The following EML4 variants were observed in gnomAD, a reference collection of about 807,000 sequenced individuals.
EML4 encodes EMAP like 4, also known as echinoderm microtubule-associated protein-like 4.
In EML4, 72 loss-of-function variants were observed where a neutral mutation model predicts 129.0. The observed-to-expected ratio is 0.56, with a 90% confidence interval of 0.46 to 0.68. The LOEUF (loss-of-function observed/expected upper bound fraction) is 0.68. EML4 is among the 30% of genes least tolerant of loss of function. The pLI, the probability that EML4 is intolerant of heterozygous loss-of-function variation, is 0.00. For synonymous variants in EML4, 532 were observed against 405.0 expected, an observed-to-expected ratio of 1.31 and a Z score of -3.77; for missense variants, 1,363 against 1,190.6, an observed-to-expected ratio of 1.14 and a Z score of -2.13.
At chr2:42,243,099 T>C (rs1675147779) in intron 1 of EML4, among the ~76,000 whole-genome samples, 1 of 152,130 alleles carries the variant, frequency 6.6e-6, no homozygotes, top group South Asian at 2.1e-4. Flanking sequence ...TAGTAATATT[T>C]ATACAACTGA....
intron 6 of EML4, among the ~76,000 whole-genome samples, chr2:42,277,026 G>C (rs1398519667): frequency 1.3e-5 from 2 of 152,108 alleles, no homozygotes; most frequent in African/African-American, 2.4e-5. Context: ...GGTGTTCTGA[G>C]CTGTGCCTGT....
chr2:42,268,592 A>G (rs931774356), intron 6 of EML4, among the ~76,000 whole-genome samples: 3 of 151,956 alleles, frequency 2.0e-5, no homozygotes, highest in African/African-American at 7.3e-5. Flanking sequence ...ACATACCACA[A>G]CACCCAGCTA....
intron 1 of EML4, among the ~76,000 whole-genome samples, chr2:42,186,476 G>C (rs1216288095): frequency 6.6e-6 from 1 of 152,202 alleles, no homozygotes; most frequent in Non-Finnish European, 1.5e-5. Context: ...AGAAATGTAT[G>C]AGAAAGTGTT....
intron 1 of EML4, among the ~76,000 whole-genome samples, chr2:42,205,200 A>G (rs949087517): frequency 2.0e-5 from 3 of 152,220 alleles, no homozygotes; most frequent in African/African-American, 7.2e-5. Context: ...TTTGACATTT[A>G]TAAACTTGAC....
chr2:42,284,534 T>G, intron 8 of EML4, 100 bp from the exon 9 acceptor site: 1 of 675,094 alleles, frequency 1.5e-6, no homozygotes, highest in Non-Finnish European at 2.4e-6. Flanking sequence ...CGTATGTTTT[T>G]TAACGATTAA....
chr2:42,286,472 T>G, intron 10 of EML4, 93 bp downstream of exon 10: 156 of 715,376 alleles, frequency 2.2e-4, no homozygotes, highest in Non-Finnish European at 3.2e-4. Context: ...CATGAAGTGA[T>G]AATCCTGAGT....
chr2:42,267,933 G>T (rs1358119669), intron 6 of EML4, among the ~76,000 whole-genome samples: 1 of 152,218 alleles, frequency 6.6e-6, no homozygotes, highest in Non-Finnish European at 1.5e-5. Flanking sequence ...CAGTTAGGTT[G>T]TAGTACAATA....
At chr2:42,317,694 G>A (rs932931642) in intron 19 of EML4, among the ~76,000 whole-genome samples, 170 bp downstream of exon 19, 18 of 152,176 alleles carry the variant, frequency 1.2e-4, no homozygotes, top group African/African-American at 4.3e-4. Context: ...AGTTCCCTGT[G>A]TGCTCTAAAA....
In EML4 at chr2:42,301,386, A is replaced by T. The variant is rs1285415309; in HGVS notation, c.1635A>T (p.Glu545Asp). The part of the protein sequence containing the change: ...LWDHDLNPER[E>D]IEVPDQYGTI... ...ATCATGATCTGAATCCTGAAAGAGA[A>T]ATAGAGGTAAGGATGGAAACGGAAT... is the stretch of plus-strand genomic sequence containing the variant. Residue 545 changes from glutamate (E) to aspartate (D), a missense_variant, in exon 14 of 23, where the codon GAA becomes GAT. Glu to Asp is a conservative substitution (Grantham distance 45, BLOSUM62 2). Transcript: ENST00000318522. The T allele has an allele frequency of 6.2e-7, 1 of 1,610,688 alleles. No individual in the cohort carries two copies. Among genetic ancestry groups the T allele is most frequent in the East Asian group, 2.2e-5 (1 of 44,630 alleles).
chr2:42,319,597 A>G (rs1038055872), intron 19 of EML4: 8 of 151,984 alleles, frequency 5.3e-5, no homozygotes, highest in Non-Finnish European at 8.8e-5. Context: ...GCTTTTATCT[A>G]TTGTCTGCTG....
At chr2:42,188,279 T>C (rs1671379564) in intron 1 of EML4, among the ~76,000 whole-genome samples, 1 of 152,152 alleles carries the variant, frequency 6.6e-6, no homozygotes. Flanking sequence ...TGAAAAATAA[T>C]GTAGAGGAAA....
intron 6 of EML4, among the ~76,000 whole-genome samples, chr2:42,276,368 G>C (rs929906982): frequency 6.6e-6 from 1 of 152,102 alleles, no homozygotes. Context: ...CTGAGATGGG[G>C]TATGGGGTAT....
At chr2:42,257,126 G>A (rs958502096) in intron 3 of EML4, among the ~76,000 whole-genome samples, 2 of 152,116 alleles carry the variant, frequency 1.3e-5, no homozygotes, top group East Asian at 1.9e-4. Flanking sequence ...GGGTGTATGT[G>A]TGTGTGTGTT....
intron 1 of EML4, among the ~76,000 whole-genome samples, chr2:42,205,703 G>C (rs1216397753): frequency 6.6e-6 from 1 of 152,150 alleles, no homozygotes; most frequent in East Asian, 1.9e-4. Context: ...TAAATTGTTT[G>C]TTACAGTAAT....
intron 6 of EML4, among the ~76,000 whole-genome samples, chr2:42,277,362 C>G (rs1372726628): frequency 6.6e-6 from 1 of 152,124 alleles, no homozygotes; most frequent in Non-Finnish European, 1.5e-5. Context: ...TACAGCTGGT[C>G]ATTTTCTTAT....
intron 1 of EML4, among the ~76,000 whole-genome samples, chr2:42,245,090 C>CTTTTTTTTTTTTTTTTTTTTTTTTTTTTT (rs960416568): frequency 1.4e-4 from 2 of 14,492 alleles, no homozygotes; most frequent in East Asian, 2.2e-3. Context: ...TTGAAATTTT[C>CTTTTTTTTTTTTTTTTTTTTTTTTTTTTT]TTTCTTTTTT....
intron 1 of EML4, among the ~76,000 whole-genome samples, chr2:42,215,691 C>G (rs1673143372): frequency 6.6e-6 from 1 of 152,158 alleles, no homozygotes; most frequent in Non-Finnish European, 1.5e-5. Context: ...TGCGGGTACT[C>G]AGATACAGAG....
chr2:42,329,497 C>A (rs1669983568), intron 22 of EML4, among the ~76,000 whole-genome samples: 1 of 152,044 alleles, frequency 6.6e-6, no homozygotes, highest in Admixed American at 6.6e-5. Context: ...TTTTTTTAAA[C>A]ATATAGTGTG....
At chr2:42,278,752 G>A (rs544606382) in intron 6 of EML4, among the ~76,000 whole-genome samples, 1 of 151,940 alleles carries the variant, frequency 6.6e-6, no homozygotes, top group Non-Finnish European at 1.5e-5. Context: ...TGACCAACAT[G>A]GTGAAACCCC....
Sources: allele counts gnomAD v4.1 joint callset (sites outside exome capture counted in the v4.1 genomes callset), GRCh38; gene constraint gnomAD v4.1.1; transcripts MANE v1.5; gene names NCBI Gene and HGNC (gene_info 2026-07-23, HGNC 2026-07-21).